The following WASF1 variants were observed in gnomAD, a reference collection of about 807,000 sequenced individuals.
The protein encoded by WASF1 is WASP family member 1.
A neutral mutation model predicts 50.5 loss-of-function variants in WASF1; 7 were observed. The ratio of observed to expected loss-of-function variants is 0.14; its 90% CI spans 0.08 to 0.26. The LOEUF is 0.26. WASF1 is among the 10% of genes least tolerant of loss of function. The pLI is 1.00. For missense variants in WASF1, 470 were observed against 694.7 expected (o/e 0.68, Z 3.64); for synonymous variants, 205 against 244.0 (o/e 0.84, Z 1.49).
intron 3 of WASF1, among the ~76,000 whole-genome samples, chr6:110,148,524 T>C (rs992055338): frequency 1.3e-5 from 2 of 152,070 alleles, no homozygotes; most frequent in African/African-American, 2.4e-5. Context: ...ATTCTTAGAA[T>C]GAAAGGTGGA....
rs754474580 is a variant in WASF1 at position 110,102,430 on chromosome 6, G to A, written c.894-214C>T. On this transcript the variant is annotated intron_variant, in intron 9 of 10. Coordinates refer to ENST00000392589, the MANE Select transcript of WASF1 (RefSeq NM_003931.3). ...AAATTAATGAGTGGTGCTTTGGTTTGTAATAGTCTAAATAGTCTCATTCTC... is the reference window on the plus strand; with the variant it reads ...AAATTAATGAGTGGTGCTTTGGTTTATAATAGTCTAAATAGTCTCATTCTC... Among the ~76,000 whole-genome samples, 4 of 151,550 alleles carry A rather than the reference G, an allele frequency of 2.6e-5. No individual in the cohort carries two copies. In the East Asian group the frequency reaches 7.7e-4, roughly 29 times the overall value.
intron 3 of WASF1, among the ~76,000 whole-genome samples, chr6:110,128,188 T>C (rs1191062820): frequency 6.6e-6 from 1 of 152,170 alleles, no homozygotes; most frequent in Non-Finnish European, 1.5e-5. Context: ...TAATCAAAAT[T>C]GATTTAACTT....
At chr6:110,169,544 T>A (rs936093515) in intron 2 of WASF1, among the ~76,000 whole-genome samples, 6 of 152,140 alleles carry the variant, frequency 3.9e-5, no homozygotes, top group African/African-American at 1.4e-4. Flanking sequence ...TTCATTCAAC[T>A]CCTTTGATGG....
At chr6:110,126,531 T>C (rs139856847) in intron 4 of WASF1, among the ~76,000 whole-genome samples, 1 of 152,214 alleles carries the variant, frequency 6.6e-6, no homozygotes, top group East Asian at 1.9e-4. Flanking sequence ...AAGTACTCAA[T>C]TATAAAAGAA....
chr6:110,138,753 T>C (rs1283297438), intron 3 of WASF1, among the ~76,000 whole-genome samples: 1 of 152,186 alleles, frequency 6.6e-6, no homozygotes, highest in African/African-American at 2.4e-5. Context: ...GAAGTTTTTA[T>C]GGGCTCAGAA....
chr6:110,110,838 A>C (rs1339683434), intron 5 of WASF1, among the ~76,000 whole-genome samples: 2 of 151,750 alleles, frequency 1.3e-5, no homozygotes, highest in Non-Finnish European at 2.9e-5. Context: ...TTTAATTCCC[A>C]CTGAATTAAA....
At chr6:110,177,407 T>C (rs1329044422) in intron 2 of WASF1, among the ~76,000 whole-genome samples, 2 of 152,082 alleles carry the variant, frequency 1.3e-5, no homozygotes, top group Admixed American at 6.5e-5. Flanking sequence ...TTCAGAGGCA[T>C]ACCTCTCCAA....
intron 4 of WASF1, among the ~76,000 whole-genome samples, chr6:110,116,259 G>A (rs532239150): frequency 2.0e-5 from 3 of 152,304 alleles, no homozygotes; most frequent in Admixed American, 2.0e-4. Flanking sequence ...AAGGGGTCAG[G>A]GGATTTCCCT....
intron 9 of WASF1, 112 bp from the exon 10 acceptor site, chr6:110,102,328 T>G: frequency 1.6e-4 from 169 of 1,028,126 alleles, no homozygotes; most frequent in South Asian, 2.0e-4. Flanking sequence ...ATGGATCCAA[T>G]AACATGCTCC....
At chr6:110,103,829 T>C (rs1024225590) in intron 8 of WASF1, among the ~76,000 whole-genome samples, 1 of 152,224 alleles carries the variant, frequency 6.6e-6, no homozygotes, top group East Asian at 1.9e-4. Context: ...ACTCACAGGA[T>C]GAAAAGCATT....
intron 5 of WASF1, among the ~76,000 whole-genome samples, chr6:110,109,210 G>A (rs185722126): frequency 2.4e-4 from 36 of 152,236 alleles, no homozygotes; most frequent in African/African-American, 7.7e-4. Flanking sequence ...ATACTTTTAA[G>A]TATTAGGTGA....
At chr6:110,129,571 T>C (rs779874426) in intron 3 of WASF1, among the ~76,000 whole-genome samples, 1 of 149,210 alleles carries the variant, frequency 6.7e-6, no homozygotes, top group Non-Finnish European at 1.5e-5. Flanking sequence ...AGCTACTTCA[T>C]GACAGTGGAA....
chr6:110,118,246 G>C (rs1285151622), intron 4 of WASF1, among the ~76,000 whole-genome samples: 1 of 146,342 alleles, frequency 6.8e-6, no homozygotes, highest in East Asian at 2.1e-4. Context: ...AGACCCATCA[G>C]TGTGCTGTAT....
intron 3 of WASF1, among the ~76,000 whole-genome samples, chr6:110,159,173 G>A (rs1776158620): frequency 6.6e-6 from 1 of 151,902 alleles, no homozygotes; most frequent in Non-Finnish European, 1.5e-5. Context: ...GAAAATTACA[G>A]ATTACTTTAA....
chr6:110,100,408 C>T lies in WASF1; in HGVS notation c.*114G>A. On this transcript the variant is annotated 3_prime_UTR_variant, in exon 11 of 11. Transcript: ENST00000392589. Reference sequence around the variant, plus strand: ...ATCAAAAGTTATGGAGGAAAAGGGTCATTTATTATAAGGAAAAGAAAGCAA... The same window carrying T: ...ATCAAAAGTTATGGAGGAAAAGGGTTATTTATTATAAGGAAAAGAAAGCAA... 1 of 984,672 alleles carries T rather than the reference C, an allele frequency of 1.0e-6. No individual in the cohort carries two copies. The highest frequency in any genetic ancestry group is 1.4e-6 in the Non-Finnish European group (1 of 712,828). The allele number at this position is 984,672 out of a possible 1,614,324, so 61.0% of individuals were successfully genotyped here.
intron 3 of WASF1, among the ~76,000 whole-genome samples, chr6:110,141,875 G>A (rs749278590): frequency 6.6e-6 from 1 of 151,680 alleles, no homozygotes; most frequent in East Asian, 1.9e-4. Context: ...AGGTTCAAGC[G>A]ATTCTCCTGC....
intron 2 of WASF1, among the ~76,000 whole-genome samples, chr6:110,175,261 C>T (rs1247880343): frequency 2.0e-5 from 3 of 152,070 alleles, no homozygotes; most frequent in Middle Eastern, 3.4e-3. Context: ...CTGACTTTAC[C>T]AATAGCTCAA....
Position 110,119,913 on chromosome 6 carries a change from C to T in WASF1, c.134-6453G>A, listed in dbSNP as rs185368086. Among the ~76,000 whole-genome samples the T allele has an allele frequency of 7.5e-3, 1,147 of 152,294 alleles. 7 individuals are homozygous for T. The highest frequency in any genetic ancestry group is 0.017 in the Middle Eastern group (5 of 294). ...ATGCAAATCAATAAACGTAATCCATCACATGAACAGAACAAATGACAAAAA... is the reference window on the plus strand; with the variant it reads ...ATGCAAATCAATAAACGTAATCCATTACATGAACAGAACAAATGACAAAAA... On this transcript the variant is annotated intron_variant, in intron 4 of 10. Transcript: ENST00000392589.
intron 4 of WASF1, among the ~76,000 whole-genome samples, chr6:110,121,433 A>G (rs1774119044): frequency 6.6e-6 from 1 of 152,250 alleles, no homozygotes; most frequent in Admixed American, 6.5e-5. Flanking sequence ...ATATGAAAAA[A>G]TGCTCATCAT....
Sources: allele counts gnomAD v4.1 joint callset (sites outside exome capture counted in the v4.1 genomes callset), GRCh38; gene constraint gnomAD v4.1.1; transcripts MANE v1.5; gene names NCBI Gene and HGNC (gene_info 2026-07-23, HGNC 2026-07-21).